PLD5: variants seen among roughly 807,000 people sequenced by gnomAD.
PLD5 encodes the protein phospholipase D family member 5.
Under a neutral mutation model 61.1 loss-of-function variants are expected in PLD5, and 36 were observed. The ratio of observed to expected loss-of-function variants is 0.59; its 90% CI spans 0.45 to 0.78. The LOEUF (loss-of-function observed/expected upper bound fraction) is 0.78. PLD5 is among the 30% of genes least tolerant of loss of function. PLD5 has a pLI of 0.00. For missense variants in PLD5, 515 were observed against 644.4 expected (o/e 0.80, Z 2.17); for synonymous variants, 243 against 242.8 (o/e 1.00, Z -0.01).
At chr1:242,431,392 G>T (rs180841136) in intron 1 of PLD5, among the ~76,000 whole-genome samples, 2 of 152,282 alleles carry the variant, frequency 1.3e-5, no homozygotes, top group East Asian at 3.9e-4. Context: ...CTTTTCTAGC[G>T]ACTGAGGATA....
intron 1 of PLD5, among the ~76,000 whole-genome samples, chr1:242,502,698 T>G (rs1292774430): frequency 6.6e-6 from 1 of 152,134 alleles, no homozygotes; most frequent in Non-Finnish European, 1.5e-5. Context: ...TGCGTGTGTG[T>G]GTGTGTGCGT....
chr1:242,368,946 C>T (rs1048858321), intron 1 of PLD5, among the ~76,000 whole-genome samples: 3 of 152,160 alleles, frequency 2.0e-5, no homozygotes, highest in Non-Finnish European at 4.4e-5. Context: ...TTCTTTCTAT[C>T]TCCTGTGTCA....
chr1:242,420,329 A>G (rs1665070086), intron 1 of PLD5, among the ~76,000 whole-genome samples: 1 of 152,056 alleles, frequency 6.6e-6, no homozygotes, highest in Non-Finnish European at 1.5e-5. Context: ...CTCAATCAAC[A>G]TGTTCCATCT....
intron 2 of PLD5, among the ~76,000 whole-genome samples, chr1:242,309,407 A>G (rs1356664570): frequency 6.7e-6 from 1 of 149,168 alleles, no homozygotes; most frequent in African/African-American, 2.5e-5. Context: ...TTTTTTTTTA[A>G]GATGGAGTCT....
chr1:242,104,511 C>T (rs545271053), intron 8 of PLD5, among the ~76,000 whole-genome samples: 12 of 152,220 alleles, frequency 7.9e-5, no homozygotes, highest in East Asian at 1.9e-4. Flanking sequence ...TACATGCAGA[C>T]GCCATGGAGA....
chr1:242,323,426 T>G (rs1301685786), intron 2 of PLD5, among the ~76,000 whole-genome samples: 1 of 152,206 alleles, frequency 6.6e-6, no homozygotes, highest in Non-Finnish European at 1.5e-5. Context: ...TCAATAGGAA[T>G]CTGACATCCC....
At chr1:242,379,041 A>G (rs1662134997) in intron 1 of PLD5, among the ~76,000 whole-genome samples, 1 of 151,960 alleles carries the variant, frequency 6.6e-6, no homozygotes, top group South Asian at 2.1e-4. Context: ...CTTTTCCACC[A>G]CATTCCAATA....
At chr1:242,251,150 T>A (rs556414469) in intron 4 of PLD5, among the ~76,000 whole-genome samples, 3 of 152,278 alleles carry the variant, frequency 2.0e-5, no homozygotes, top group Admixed American at 2.0e-4. Flanking sequence ...AAATGTGAAG[T>A]TTGCAGTTGA....
intron 1 of PLD5, among the ~76,000 whole-genome samples, chr1:242,389,222 T>C (rs913772729): frequency 6.6e-6 from 1 of 152,160 alleles, no homozygotes; most frequent in Non-Finnish European, 1.5e-5. Context: ...TGTAAGTAAA[T>C]ACTTTTCCTA....
chr1:242,446,174 T>C (rs540007545), intron 1 of PLD5, among the ~76,000 whole-genome samples: 35 of 152,078 alleles, frequency 2.3e-4, no homozygotes, highest in Non-Finnish European at 4.7e-4. Context: ...TTCACCACTA[T>C]GCAATCTATG....
rs535959619 is a variant in PLD5, at chr1:242,168,414, G to C, written c.736-43749C>G. On this transcript the variant is annotated intron_variant, in intron 5 of 9. Coordinates refer to ENST00000536534, the MANE Select transcript of PLD5 (RefSeq NM_001372062.1). ...ATGACAAAAATGTTTGGCCAAAATA[G>C]TTTTGGCAATAAGAGCTTTTCTTAA... 2.6e-5 allele frequency among the ~76,000 whole-genome samples: 4 copies of C among 152,278 alleles called. No homozygotes were observed. The South Asian group carries it at 8.3e-4, about 32-fold the overall frequency.
Position 242,092,401 on chromosome 1 carries a change from T to C in PLD5, c.1355-2291A>G, listed in dbSNP as rs116657231. Among the ~76,000 whole-genome samples the C allele has an allele frequency of 5.2e-3, 791 of 152,254 alleles. 11 individuals are homozygous for C. Among genetic ancestry groups the C allele is most frequent in the African/African-American group, 0.018 (764 of 41,546 alleles). Reference sequence around the variant, plus strand: ...TGAATAAATTTGCCTAATCACATGGTTAATCACTGGTGCACCCAGGTCTGC... The same window carrying C: ...TGAATAAATTTGCCTAATCACATGGCTAATCACTGGTGCACCCAGGTCTGC... On this transcript the variant is annotated intron_variant, in intron 9 of 9. Coordinates refer to ENST00000536534, the MANE Select transcript of PLD5 (RefSeq NM_001372062.1).
chr1:242,100,723 G>C lies in PLD5; in HGVS notation c.1299C>G (p.Thr433=), dbSNP rs560941503. ...ACTTGTTGCGATTTAACCTAGGAAA[G>C]GTGTGATTCTTTTGTTCTTTTGTAG... ...ACATKEQKNH[T]FPRLNRNKYM... The change falls in exon 9 of 10, where the codon ACC becomes ACG. Residue 433 remains threonine, a synonymous_variant. Transcript: ENST00000536534. The C allele has an allele frequency of 1.2e-6, 2 of 1,613,980 alleles. No individual in the cohort carries two copies. Among genetic ancestry groups the C allele is most frequent in the Admixed American group, 3.3e-5 (2 of 60,000 alleles).
chr1:242,287,217 A>G (rs1675076122), intron 3 of PLD5, among the ~76,000 whole-genome samples: 1 of 152,210 alleles, frequency 6.6e-6, no homozygotes, highest in Non-Finnish European at 1.5e-5. Context: ...CAGATATGTG[A>G]GGAAAGCCAT....
chr1:242,163,213 G>C (rs190811691), intron 5 of PLD5, among the ~76,000 whole-genome samples: 3 of 148,962 alleles, frequency 2.0e-5, no homozygotes, highest in Non-Finnish European at 4.4e-5. Flanking sequence ...GCGCGATCTC[G>C]GCTCACTGCA....
chr1:242,403,112 T>A (rs923308338), intron 1 of PLD5, among the ~76,000 whole-genome samples: 5 of 152,210 alleles, frequency 3.3e-5, no homozygotes, highest in Non-Finnish European at 7.3e-5. Context: ...TGCTTAATCA[T>A]CCCTTTCGGT....
At chr1:242,353,277 TC>T (rs1481599703) in intron 1 of PLD5, among the ~76,000 whole-genome samples, 6 of 152,186 alleles carry the variant, frequency 3.9e-5, no homozygotes, top group Non-Finnish European at 7.4e-5. Context: ...AAGACAGTGC[TC>T]TTTTTCCATT....
chr1:242,224,334 A>G (rs920957797), intron 4 of PLD5, among the ~76,000 whole-genome samples: 6 of 152,260 alleles, frequency 3.9e-5, no homozygotes, highest in African/African-American at 1.4e-4. Flanking sequence ...TTCTACTTCT[A>G]AAATAATTTT....
At chr1:242,379,063 C>A (rs1260159431) in intron 1 of PLD5, among the ~76,000 whole-genome samples, 4 of 152,110 alleles carry the variant, frequency 2.6e-5, no homozygotes, top group Non-Finnish European at 4.4e-5. Context: ...GCAAAACTTA[C>A]CATTTTAGAT....
Sources: allele counts gnomAD v4.1 joint callset (sites outside exome capture counted in the v4.1 genomes callset), GRCh38; gene constraint gnomAD v4.1.1; transcripts MANE v1.5; gene names NCBI Gene and HGNC (gene_info 2026-07-23, HGNC 2026-07-21).